The following HSD17B12 variants were observed in gnomAD, a reference collection of about 807,000 sequenced individuals.
HSD17B12 encodes the protein hydroxysteroid 17-beta dehydrogenase 12.
Under a neutral mutation model 39.3 loss-of-function variants are expected in HSD17B12, and 32 were observed. The ratio of observed to expected loss-of-function variants is 0.81; its 90% CI spans 0.61 to 1.09. The LOEUF (loss-of-function observed/expected upper bound fraction) is 1.09. Among genes scored for constraint, HSD17B12 ranks in the 50% least tolerant of loss-of-function variants. The pLI, the probability that HSD17B12 is intolerant of heterozygous loss-of-function variation, is 0.00. For missense variants in HSD17B12, 342 were observed against 382.9 expected (o/e 0.89, Z 0.89); for synonymous variants, 150 against 146.7 (o/e 1.02, Z -0.16).
the HSD17B12 span, among the ~76,000 whole-genome samples, chr11:43,627,757 T>C: frequency 6.6e-6 from 1 of 152,014 alleles, no homozygotes; most frequent in South Asian, 2.1e-4. Context: ...AGAATTCAAA[T>C]GCACTGGCAA....
the HSD17B12 span, among the ~76,000 whole-genome samples, chr11:43,577,419 C>T: frequency 7.4e-3 from 1,133 of 152,270 alleles, 17 homozygotes; most frequent in African/African-American, 0.026. Context: ...AGCCAAGGCC[C>T]GGCGTTTCAG....
At chr11:43,704,432 T>G (rs1330979212) in intron 1 of HSD17B12, among the ~76,000 whole-genome samples, 1 of 152,164 alleles carries the variant, frequency 6.6e-6, no homozygotes, top group East Asian at 1.9e-4. Flanking sequence ...AATCTCTTGT[T>G]TATAGTTTAA....
At chr11:43,596,670 T>C in the HSD17B12 span, among the ~76,000 whole-genome samples, 3 of 152,192 alleles carry the variant, frequency 2.0e-5, no homozygotes, top group Non-Finnish European at 4.4e-5. Context: ...ACTCCTGAAC[T>C]CAAGCGATCC....
chr11:43,757,639 CAAA>C (rs60598991), intron 3 of HSD17B12, among the ~76,000 whole-genome samples: 1 of 7,196 alleles, frequency 1.4e-4, no homozygotes, highest in Non-Finnish European at 3.0e-4. Flanking sequence ...GACTCCGTCT[CAAA>C]AAAAAAAAAA....
the HSD17B12 span, among the ~76,000 whole-genome samples, chr11:43,668,865 A>AT: frequency 1.1e-4 from 16 of 148,590 alleles, no homozygotes; most frequent in South Asian, 2.1e-4. Context: ...AAAAAAAAAA[A>AT]TTTTTTTTTT....
At chr11:43,728,090 G>A (rs962871993) in intron 1 of HSD17B12, among the ~76,000 whole-genome samples, 5 of 151,366 alleles carry the variant, frequency 3.3e-5, no homozygotes, top group East Asian at 1.9e-4. Flanking sequence ...TTTTGAGACC[G>A]AATCTTGCTC....
intron 1 of HSD17B12, among the ~76,000 whole-genome samples, chr11:43,747,160 C>CACTT (rs1261081821): frequency 6.6e-6 from 1 of 152,216 alleles, no homozygotes; most frequent in Non-Finnish European, 1.5e-5. Flanking sequence ...ATCATTTAAA[C>CACTT]ACTTACCAAA....
At chr11:43,837,155 G>C (rs991689716) in intron 7 of HSD17B12, among the ~76,000 whole-genome samples, 1 of 152,094 alleles carries the variant, frequency 6.6e-6, no homozygotes, top group African/African-American at 2.4e-5. Flanking sequence ...CAGATGGAGC[G>C]GGTGACTTTT....
At chr11:43,695,354 G>T (rs1446480661) in intron 1 of HSD17B12, among the ~76,000 whole-genome samples, 2 of 152,124 alleles carry the variant, frequency 1.3e-5, no homozygotes, top group Non-Finnish European at 2.9e-5. Flanking sequence ...CGAGGCAGGT[G>T]GATCACTTGA....
At chr11:43,759,716 C>T (rs756035312) in intron 3 of HSD17B12, among the ~76,000 whole-genome samples, 7 of 151,676 alleles carry the variant, frequency 4.6e-5, no homozygotes, top group East Asian at 1.9e-4. Context: ...CTTCTCTTTT[C>T]GTTTCATTTC....
chr11:43,756,495 T>C (rs1161027560), intron 3 of HSD17B12, among the ~76,000 whole-genome samples: 1 of 152,168 alleles, frequency 6.6e-6, no homozygotes, highest in Non-Finnish European at 1.5e-5. Context: ...CACTGTTTCA[T>C]TCTTAGCTTC....
intron 1 of HSD17B12, among the ~76,000 whole-genome samples, chr11:43,717,804 CTT>C (rs34501307): frequency 0.014 from 1,849 of 130,136 alleles, 27 homozygotes; most frequent in African/African-American, 0.049. Flanking sequence ...TCTTCTTCTT[CTT>C]TTTTTTTTTT....
At chr11:43,731,479 T>A (rs904606113) in intron 1 of HSD17B12, among the ~76,000 whole-genome samples, 3 of 152,244 alleles carry the variant, frequency 2.0e-5, no homozygotes, top group Non-Finnish European at 4.4e-5. Flanking sequence ...ATATACAGTA[T>A]TTCAAGGGCA....
chr11:43,687,066 A>G (rs962272839), intron 1 of HSD17B12, among the ~76,000 whole-genome samples: 3 of 152,238 alleles, frequency 2.0e-5, no homozygotes, highest in African/African-American at 4.8e-5. Context: ...TTTAGAATGC[A>G]TGGGTAAACG....
At chr11:43,591,201 A>AT in the HSD17B12 span, among the ~76,000 whole-genome samples, 1 of 152,204 alleles carries the variant, frequency 6.6e-6, no homozygotes, top group Non-Finnish European at 1.5e-5. Context: ...AAAGAAATAC[A>AT]TTTTTATTGA....
intron 1 of HSD17B12, among the ~76,000 whole-genome samples, chr11:43,735,986 GTT>G (rs1453188879): frequency 6.6e-6 from 1 of 152,144 alleles, no homozygotes; most frequent in Non-Finnish European, 1.5e-5. Context: ...CCCCTTCCGT[GTT>G]ACTCCCACAT....
At chr11:43,734,652 AGAAATCACTGT>A (rs1046715918) in intron 1 of HSD17B12, 1 of 257,742 alleles carries the variant, frequency 3.9e-6, no homozygotes, top group African/African-American at 2.2e-5. Context: ...CCCCCACCCC[AGAAATCACTGT>A]GAAATTTCAT....
chr11:43,841,877 T>C (rs144234603), intron 9 of HSD17B12, among the ~76,000 whole-genome samples: 1 of 152,288 alleles, frequency 6.6e-6, no homozygotes, highest in East Asian at 1.9e-4. Context: ...TAATAGTGAA[T>C]ATTTGAGTGG....
At chr11:43,609,922 T>C in the HSD17B12 span, among the ~76,000 whole-genome samples, 1 of 152,202 alleles carries the variant, frequency 6.6e-6, no homozygotes, top group Non-Finnish European at 1.5e-5. Context: ...ATTATTAGTC[T>C]CATAAGGAAA....
Sources: allele counts gnomAD v4.1 joint callset (sites outside exome capture counted in the v4.1 genomes callset), GRCh38; gene constraint gnomAD v4.1.1; transcripts MANE v1.5; gene names NCBI Gene and HGNC (gene_info 2026-07-23, HGNC 2026-07-21).